OTUD4: variants seen among roughly 807,000 people sequenced by gnomAD.
OTUD4 encodes the protein OTU deubiquitinase 4.
Under a neutral mutation model 130.4 loss-of-function variants are expected in OTUD4, and 24 were observed. That is an observed-to-expected ratio of 0.18 (90% CI 0.13 to 0.26). The LOEUF is 0.26. Ranked by LOEUF, OTUD4 falls within the 10% of genes least tolerant of loss-of-function variation. The probability of loss-of-function intolerance (pLI) is 1.00; values close to 1 mark genes in which losing one functional copy is unlikely to be tolerated. For synonymous variants in OTUD4, 420 were observed against 472.5 expected, an observed-to-expected ratio of 0.89 and a Z score of 1.44; for missense variants, 1,031 against 1,329.4, an observed-to-expected ratio of 0.78 and a Z score of 3.49.
Position 145,141,656 on chromosome 4 carries a change from A to G in OTUD4, c.1823-17T>C, listed in dbSNP as rs951662618. ...CAGGGACACCTACAAAAGAGAAGAA[A>G]AGGAATCAAAATGACAAAAGATGAA... On this transcript the variant is annotated splice_polypyrimidine_tract_variant and intron_variant, in intron 18 of 20. Transcript: ENST00000447906. The G allele has an allele frequency of 2.0e-6, 3 of 1,505,796 alleles. No individual in the cohort carries two copies. In the African/African-American group the frequency reaches 4.2e-5, roughly 21 times the overall value. 93.3% of individuals were successfully genotyped at this position (1,505,796 alleles called of 1,614,324 possible). A position where few individuals can be genotyped will look rare whatever the true frequency, so the allele number is the denominator to read the frequency against.
rs550369451 is a variant in OTUD4, at chr4:145,158,210, G to GCA, written c.629+1291_629+1292dup. Among the ~76,000 whole-genome samples, 672 of 152,246 alleles carry GCA rather than the reference G, an allele frequency of 4.4e-3. 3 individuals are homozygous for GCA. The highest frequency in any genetic ancestry group is 0.015 in the African/African-American group (616 of 41,544). ...ACAAATCAAGAGATATACAGGCTGG[G>GCA]CAGTGGCTCACGCCTGTAATCCCAG... On this transcript the variant is annotated intron_variant, in intron 7 of 20. Coordinates refer to ENST00000447906, the MANE Select transcript of OTUD4 (RefSeq NM_001366057.1).
At chr4:145,173,599 T>G (rs1579292032) in intron 2 of OTUD4, among the ~76,000 whole-genome samples, 2 of 152,272 alleles carry the variant, frequency 1.3e-5, no homozygotes, top group South Asian at 2.1e-4. Flanking sequence ...CTCTCTTATC[T>G]AGCCTCTGCG....
Position 145,134,988 on chromosome 4 carries a change from A to T in OTUD4, c.*2442T>A, listed in dbSNP as rs1263840218. 3 of 397,286 alleles carry T rather than the reference A, an allele frequency of 7.6e-6. No homozygotes were observed. Among genetic ancestry groups the T allele is most frequent in the Non-Finnish European group, 1.3e-5 (3 of 225,452 alleles). The allele number at this position is 397,286 out of a possible 1,614,324, so 24.6% of individuals were successfully genotyped here. ...AAATATGTCAACATAACAGTATGACATAACAGTTAAAATGAAGGACAAAAG... is the reference window on the plus strand; with the variant it reads ...AAATATGTCAACATAACAGTATGACTTAACAGTTAAAATGAAGGACAAAAG... On this transcript the variant is annotated 3_prime_UTR_variant, in exon 21 of 21. Coordinates refer to ENST00000447906, the MANE Select transcript of OTUD4 (RefSeq NM_001366057.1).
intron 1 of OTUD4, among the ~76,000 whole-genome samples, chr4:145,177,220 T>C (rs1363708806): frequency 6.6e-6 from 1 of 152,236 alleles, no homozygotes; most frequent in African/African-American, 2.4e-5. Context: ...GAGCTAGTCT[T>C]AAAGCCATTT....
chr4:145,141,284 A>C (rs1750550298), intron 19 of OTUD4, 95 bp downstream of exon 19: 2 of 998,550 alleles, frequency 2.0e-6, no homozygotes, highest in Admixed American at 7.3e-5. Context: ...CTTACTAAGA[A>C]ACCAGACCTC....
intron 19 of OTUD4, among the ~76,000 whole-genome samples, chr4:145,140,668 C>T (rs1425392516): frequency 6.6e-6 from 1 of 152,050 alleles, no homozygotes; most frequent in Non-Finnish European, 1.5e-5. Flanking sequence ...CCACTACATA[C>T]TATATTTGCT....
At chr4:145,173,145 A>C (rs556294686) in intron 2 of OTUD4, among the ~76,000 whole-genome samples, 78 of 152,326 alleles carry the variant, frequency 5.1e-4, no homozygotes, top group African/African-American at 1.8e-3. Flanking sequence ...TAATCCCAGC[A>C]CTTTGGGAGG....
In OTUD4 at chr4:145,157,603, G is replaced by C. The variant is rs950431434; in HGVS notation, c.630-1607C>G. On this transcript the variant is annotated intron_variant, in intron 7 of 20. Coordinates refer to ENST00000447906, the MANE Select transcript of OTUD4 (RefSeq NM_001366057.1). ...GGAGGCTGAGGCAGGAAAATCGCTT[G>C]AACCCGCGAGGCGGAGGTTGCAGTG... 2.1e-5 allele frequency among the ~76,000 whole-genome samples: 3 copies of C among 145,780 alleles called. No individual in the cohort carries two copies. In the East Asian group the frequency reaches 6.1e-4, roughly 30 times the overall value.
At chr4:145,140,751 G>A (rs1750518100) in intron 19 of OTUD4, among the ~76,000 whole-genome samples, 1 of 152,038 alleles carries the variant, frequency 6.6e-6, no homozygotes, top group African/African-American at 2.4e-5. Context: ...CAGTGTTTAG[G>A]TATCTAATTA....
Position 145,179,528 on chromosome 4 carries a change from T to C in OTUD4, c.159+287A>G, listed in dbSNP as rs1339166763. The C allele has an allele frequency of 7.2e-6, 7 of 975,522 alleles. 1 individual carries two copies. The South Asian group carries it at 2.0e-4, about 27-fold the overall frequency. The allele number at this position is 975,522 out of a possible 1,614,324, so 60.4% of individuals were successfully genotyped here. On this transcript the variant is annotated intron_variant, in intron 1 of 20. Transcript: ENST00000447906. ...ATGTCGCCAGGTCCCCAGCAATAAA[T>C]CAACTGTACAAGCTCCGAGCAGGCC...
In OTUD4 at chr4:145,134,356, GAC is replaced by G; in HGVS notation, c.*3072_*3073del. The G allele has an allele frequency of 4.9e-6, 1 of 202,596 alleles. No individual in the cohort carries two copies. Among genetic ancestry groups the G allele is most frequent in the Non-Finnish European group, 9.9e-6 (1 of 101,036 alleles). The allele number at this position is 202,596 out of a possible 1,614,324, so 12.5% of individuals were successfully genotyped here. A position where few individuals can be genotyped will look rare whatever the true frequency, so the allele number is the denominator to read the frequency against. On this transcript the variant is annotated 3_prime_UTR_variant, in exon 21 of 21. Transcript: ENST00000447906. ...CCTTGCTTAGTACCCTTAAGTAAAAGACAAAACATTTACCTCATCTAAAAATG... is the reference window on the plus strand; with the variant it reads ...CCTTGCTTAGTACCCTTAAGTAAAAGAAAACATTTACCTCATCTAAAAATG...
In OTUD4 at chr4:145,146,396, A is replaced by C; in HGVS notation, c.1293T>G (p.Asp431Glu). The part of the protein sequence containing the change: ...KPDRERVEDF[D>E]HTSRESNYFG... ...AATAGTTAGATTCTCGACTTGTGTGATCAAAATCCTCAACTCTTTCACGAT... is the reference window on the plus strand; with the variant it reads ...AATAGTTAGATTCTCGACTTGTGTGCTCAAAATCCTCAACTCTTTCACGAT... Residue 431 changes from aspartate to glutamate, a missense_variant, in exon 14 of 21, where the codon GAT becomes GAG. This residue lies in a region of OTUD4 where 900 missense variants were observed against 1,095.9 expected (regional missense o/e 0.82). Coordinates refer to ENST00000447906, the MANE Select transcript of OTUD4 (RefSeq NM_001366057.1). 6.3e-7 allele frequency: 1 copy of C among 1,575,352 alleles called. No homozygotes were observed.
At chr4:145,151,328 G>A (rs1215467125) in intron 11 of OTUD4, among the ~76,000 whole-genome samples, 1 of 152,042 alleles carries the variant, frequency 6.6e-6, no homozygotes. Context: ...ACATATTAGG[G>A]AAAATAGAAT....
rs561343782 is a variant in OTUD4, at chr4:145,180,318, C to G, written c.-345G>C. Among the ~76,000 whole-genome samples the G allele has an allele frequency of 6.6e-6, 1 of 152,054 alleles. No individual in the cohort carries two copies. Among genetic ancestry groups the G allele is most frequent in the Non-Finnish European group, 1.5e-5 (1 of 67,964 alleles). ...GACCCAGGCCGGGGGTCGCCGCCCC[C>G]ACAAGTTTCCTCCTCCGTACCGGTG... is the stretch of plus-strand genomic sequence containing the variant. On this transcript the variant is annotated 5_prime_UTR_variant, in exon 1 of 21. Coordinates refer to ENST00000447906, the MANE Select transcript of OTUD4 (RefSeq NM_001366057.1).
intron 2 of OTUD4, among the ~76,000 whole-genome samples, 154 bp from the exon 3 acceptor site, chr4:145,171,874 T>C (rs1223257409): frequency 2.0e-5 from 3 of 152,216 alleles, no homozygotes; most frequent in East Asian, 1.9e-4. Flanking sequence ...AATCTAATTA[T>C]GAAAACATAT....
At position 145,166,183 on chromosome 4, in the gene OTUD4, G is replaced by T. The variant is rs554936943; in HGVS notation, c.295-986C>A. Among the ~76,000 whole-genome samples, 6 of 151,566 alleles carry T rather than the reference G, an allele frequency of 4.0e-5. No homozygotes were observed. In the East Asian group the frequency reaches 9.7e-4, roughly 24 times the overall value. ...TCTCAAAAAAAAAAAAAGAAAGAAA[G>T]AAATATTGAATAGAAGCAGAAAATT... On this transcript the variant is annotated intron_variant, in intron 3 of 20. Transcript: ENST00000447906.
intron 14 of OTUD4, among the ~76,000 whole-genome samples, chr4:145,145,367 C>T (rs1286611214): frequency 6.6e-6 from 1 of 152,120 alleles, no homozygotes; most frequent in African/African-American, 2.4e-5. Flanking sequence ...AATTCCTAAA[C>T]TCCAATGCCT....
chr4:145,176,005 A>C (rs941982713), intron 1 of OTUD4, among the ~76,000 whole-genome samples: 1 of 150,122 alleles, frequency 6.7e-6, no homozygotes, highest in Admixed American at 6.6e-5. Flanking sequence ...TAGCCGGATT[A>C]CAGGAGCTGC....
intron 11 of OTUD4, among the ~76,000 whole-genome samples, chr4:145,151,423 C>T (rs891738269): frequency 6.6e-6 from 1 of 152,108 alleles, no homozygotes; most frequent in Non-Finnish European, 1.5e-5. Flanking sequence ...ATCACAAGGT[C>T]AGGGGTTCAA....
Sources: allele counts gnomAD v4.1 joint callset (sites outside exome capture counted in the v4.1 genomes callset), GRCh38; gene constraint gnomAD v4.1.1; regional missense constraint gnomAD v4.1.1; transcripts MANE v1.5; gene names NCBI Gene and HGNC (gene_info 2026-07-23, HGNC 2026-07-21).